MAP2: variants seen among roughly 807,000 people sequenced by gnomAD.
MAP2 encodes the protein microtubule associated protein 2, also known as microtubule-associated protein 2.
MAP2 carries 14 observed loss-of-function variants against 137.6 expected under a neutral mutation model. That is an observed-to-expected ratio of 0.10 (90% CI 0.07 to 0.16). The LOEUF (loss-of-function observed/expected upper bound fraction) is 0.16, where lower values mean the gene tolerates loss of function less well. Ranked by LOEUF, MAP2 falls within the 10% of genes least tolerant of loss-of-function variation. The pLI, the probability that MAP2 is intolerant of heterozygous loss-of-function variation, is 1.00. For synonymous variants in MAP2, 786 were observed against 782.3 expected (o/e 1.00, Z -0.08); for missense variants, 2,088 against 2,191.5 (o/e 0.95, Z 0.94).
chr2:209,626,509 A>T (rs1490067857), intron 4 of MAP2, among the ~76,000 whole-genome samples: 2 of 152,224 alleles, frequency 1.3e-5, no homozygotes, highest in Non-Finnish European at 2.9e-5. Context: ...GTCTAAAAAA[A>T]TAATCACAGA....
chr2:209,564,115 G>A (rs1034706267), intron 2 of MAP2, among the ~76,000 whole-genome samples: 5 of 150,136 alleles, frequency 3.3e-5, no homozygotes, highest in Non-Finnish European at 4.4e-5. Context: ...ATTACCGATC[G>A]CAGCTAATGA....
At chr2:209,667,613 A>G (rs192600851) in intron 5 of MAP2, among the ~76,000 whole-genome samples, 2 of 152,116 alleles carry the variant, frequency 1.3e-5, no homozygotes, top group East Asian at 3.9e-4. Flanking sequence ...AGAAAATAAT[A>G]TATTTTTCAT....
chr2:209,610,894 C>A (rs527770826), intron 3 of MAP2, among the ~76,000 whole-genome samples: 1 of 152,108 alleles, frequency 6.6e-6, no homozygotes, highest in South Asian at 2.1e-4. Flanking sequence ...ATGAATGGGA[C>A]CCAGGAAGCT....
intron 2 of MAP2, among the ~76,000 whole-genome samples, chr2:209,551,992 C>T (rs1034908905): frequency 3.3e-5 from 5 of 152,108 alleles, no homozygotes; most frequent in African/African-American, 1.2e-4. Flanking sequence ...TACCATACTG[C>T]TAGTAAGATT....
At chr2:209,642,166 G>C (rs1431541842) in intron 4 of MAP2, among the ~76,000 whole-genome samples, 2 of 152,006 alleles carry the variant, frequency 1.3e-5, no homozygotes, top group African/African-American at 4.8e-5. Context: ...AAATGGGCTG[G>C]GCACAGTGGC....
At chr2:209,512,597 A>G (rs2061886477) in intron 2 of MAP2, among the ~76,000 whole-genome samples, 2 of 132,868 alleles carry the variant, frequency 1.5e-5, no homozygotes, top group African/African-American at 5.7e-5. Context: ...ACACACACAC[A>G]CACAAACACA....
At chr2:209,575,668 A>T (rs914128942) in intron 2 of MAP2, among the ~76,000 whole-genome samples, 4 of 152,252 alleles carry the variant, frequency 2.6e-5, no homozygotes, top group Admixed American at 1.3e-4. Context: ...AGACATTCCA[A>T]TTCATCCACT....
chr2:209,704,366 A>C (rs1252458386), intron 11 of MAP2: 3 of 1,202,604 alleles, frequency 2.5e-6, no homozygotes, highest in Non-Finnish European at 3.5e-6. Flanking sequence ...TGAGTTTCTT[A>C]TATGTTTATA....
In MAP2 at chr2:209,434,856, A is replaced by C. The variant is rs1321048755; in HGVS notation, c.-222+10580A>C. Reference sequence around the variant, plus strand: ...CTCTATATATATATATATGTTATATATATATGTTATATATATGTTATATAT... The same window carrying C: ...CTCTATATATATATATATGTTATATCTATATGTTATATATATGTTATATAT... On this transcript the variant is annotated intron_variant, in intron 1 of 15. Coordinates refer to ENST00000682079, the MANE Select transcript of MAP2 (RefSeq NM_001375505.1). 7.3e-4 allele frequency among the ~76,000 whole-genome samples: 77 copies of C among 105,482 alleles called. 2 individuals carry two copies. Among genetic ancestry groups the C allele is most frequent in the African/African-American group, 3.0e-3 (72 of 24,112 alleles). The allele number at this position is 105,482 out of a possible 152,430, so 69.2% of individuals were successfully genotyped here.
chr2:209,462,879 T>C lies in MAP2; in HGVS notation c.-222+38603T>C, dbSNP rs183411114. On this transcript the variant is annotated intron_variant, in intron 1 of 15. Coordinates refer to ENST00000682079, the MANE Select transcript of MAP2 (RefSeq NM_001375505.1). ...TTTTAAGATTTTCCATTGTAAATAATCTTATAATAGAGGCTTTTGGGAGCC... is the reference window on the plus strand; with the variant it reads ...TTTTAAGATTTTCCATTGTAAATAACCTTATAATAGAGGCTTTTGGGAGCC... Among the ~76,000 whole-genome samples, 566 of 152,270 alleles carry C rather than the reference T, an allele frequency of 3.7e-3. 3 individuals carry two copies. Among genetic ancestry groups the C allele is most frequent in the African/African-American group, 0.013 (527 of 41,550 alleles).
intron 1 of MAP2, among the ~76,000 whole-genome samples, chr2:209,454,065 G>A (rs759585220): frequency 7.0e-6 from 1 of 143,662 alleles, no homozygotes; most frequent in Non-Finnish European, 1.5e-5. Context: ...GCAGGAGAAT[G>A]GTGTGAACCT....
intron 1 of MAP2, among the ~76,000 whole-genome samples, chr2:209,425,968 C>CT (rs1692452928): frequency 6.6e-6 from 1 of 152,166 alleles, no homozygotes; most frequent in Non-Finnish European, 1.5e-5. Context: ...AGCCCCAGCC[C>CT]CATGCACACA....
At chr2:209,556,632 C>T (rs1351125046) in intron 2 of MAP2, among the ~76,000 whole-genome samples, 1 of 145,546 alleles carries the variant, frequency 6.9e-6, no homozygotes. Flanking sequence ...TGCATACACG[C>T]ACACATACTG....
chr2:209,683,290 A>G (rs1406361244), intron 7 of MAP2, among the ~76,000 whole-genome samples: 2 of 152,206 alleles, frequency 1.3e-5, no homozygotes, highest in African/African-American at 2.4e-5. Flanking sequence ...TATTGAAAGT[A>G]ATTCAAAGTT....
intron 3 of MAP2, among the ~76,000 whole-genome samples, chr2:209,615,239 A>G (rs994017619): frequency 1.1e-4 from 16 of 152,244 alleles, no homozygotes; most frequent in Admixed American, 9.8e-4. Context: ...AAATCTCTGT[A>G]TGTGGCTGCA....
chr2:209,703,643 C>T (rs1488843195), intron 11 of MAP2, among the ~76,000 whole-genome samples: 1 of 152,066 alleles, frequency 6.6e-6, no homozygotes, highest in Non-Finnish European at 1.5e-5. Context: ...TTGCTAGTCA[C>T]TTGTAACATT....
At chr2:209,520,804 A>G (rs775745848) in intron 2 of MAP2, among the ~76,000 whole-genome samples, 1 of 152,006 alleles carries the variant, frequency 6.6e-6, no homozygotes, top group Non-Finnish European at 1.5e-5. Context: ...TATTTTGCTT[A>G]CTATAAAGCA....
At chr2:209,609,122 A>T (rs2085868760) in intron 3 of MAP2, among the ~76,000 whole-genome samples, 1 of 152,062 alleles carries the variant, frequency 6.6e-6, no homozygotes. Context: ...TTTAAATAAG[A>T]TCTAAGTAGA....
At chr2:209,629,152 G>A (rs2092719800) in intron 4 of MAP2, among the ~76,000 whole-genome samples, 1 of 152,190 alleles carries the variant, frequency 6.6e-6, no homozygotes, top group Admixed American at 6.5e-5. Flanking sequence ...GGATGAGAAA[G>A]CCAGTTGAAG....
Sources: gnomAD v4.1 joint callset for allele counts (sites outside exome capture counted in the v4.1 genomes callset) on GRCh38, gnomAD v4.1.1 for gene constraint, MANE v1.5 for transcripts, NCBI Gene and HGNC (gene_info 2026-07-23, HGNC 2026-07-21) for gene names.